Variants in PTPRD observed in about 807,000 individuals in gnomAD.
PTPRD encodes the protein receptor-type tyrosine-protein phosphatase delta.
In PTPRD, 34 loss-of-function variants were observed where a neutral mutation model predicts 214.5. The observed-to-expected ratio is 0.16, with a 90% CI of 0.12 to 0.21. The LOEUF (loss-of-function observed/expected upper bound fraction) is 0.21, where lower values mean the gene tolerates loss of function less well. PTPRD is among the 10% of genes least tolerant of loss of function. PTPRD has a pLI of 1.00. For missense variants in PTPRD, 2,545 were observed against 2,398.7 expected, an observed-to-expected ratio of 1.06 and a Z score of -1.27; for synonymous variants, 1,128 against 845.7, an observed-to-expected ratio of 1.33 and a Z score of -5.79.
chr9:9,870,794 G>A (rs2065215834), intron 5 of PTPRD, among the ~76,000 whole-genome samples: 1 of 152,058 alleles, frequency 6.6e-6, no homozygotes, highest in South Asian at 2.1e-4. Context: ...GGAAATTGCA[G>A]ATAAAGGGAA....
intron 11 of PTPRD, among the ~76,000 whole-genome samples, chr9:8,739,871 G>C (rs539848471): frequency 3.3e-5 from 5 of 152,122 alleles, no homozygotes; most frequent in Admixed American, 2.0e-4. Flanking sequence ...TTACGTAAGG[G>C]GGAGTTTCCG....
At position 9,970,006 on chromosome 9, in the gene PTPRD, G is replaced by C. The variant is rs192560706; in HGVS notation, c.-471-31396C>G. 2.0e-4 allele frequency among the ~76,000 whole-genome samples: 30 copies of C among 152,206 alleles called. No individual in the cohort carries two copies. The East Asian group carries it at 5.2e-3, about 26-fold the overall frequency. ...GCATCTGGAGAACTGTCATTCAGTA[G>C]ACATTAGAGAAAAATGGGTACATGG... On this transcript the variant is annotated intron_variant, in intron 4 of 45. Coordinates refer to ENST00000381196, the MANE Select transcript of PTPRD (RefSeq NM_002839.4).
intron 14 of PTPRD, among the ~76,000 whole-genome samples, chr9:8,570,249 T>A (rs1487504352): frequency 1.3e-5 from 2 of 152,262 alleles, no homozygotes; most frequent in East Asian, 3.9e-4. Context: ...ACACTCCTCA[T>A]AATTTATTGC....
chr9:9,157,495 G>A (rs534184619), intron 10 of PTPRD, among the ~76,000 whole-genome samples: 23 of 152,152 alleles, frequency 1.5e-4, no homozygotes, highest in Non-Finnish European at 3.2e-4. Context: ...ACAACTGTAT[G>A]TCAAAAAATT....
chr9:8,937,178 C>T (rs2099003528), intron 11 of PTPRD, among the ~76,000 whole-genome samples: 1 of 151,950 alleles, frequency 6.6e-6, no homozygotes, highest in African/African-American at 2.4e-5. Context: ...AGTCTCCAAA[C>T]AATTTGAGAC....
At chr9:8,835,428 T>C (rs971490560) in intron 11 of PTPRD, among the ~76,000 whole-genome samples, 2 of 152,224 alleles carry the variant, frequency 1.3e-5, no homozygotes, top group South Asian at 2.1e-4. Flanking sequence ...TCTTAGAGTC[T>C]CCCTTGACCA....
chr9:9,797,971 A>G (rs1180092683), intron 5 of PTPRD, among the ~76,000 whole-genome samples: 2 of 152,234 alleles, frequency 1.3e-5, no homozygotes, highest in Non-Finnish European at 2.9e-5. Context: ...ATGTCTGAAT[A>G]CACGAATGTT....
intron 11 of PTPRD, among the ~76,000 whole-genome samples, chr9:8,951,591 G>C (rs1359660237): frequency 6.6e-6 from 1 of 151,844 alleles, no homozygotes; most frequent in East Asian, 1.9e-4. Flanking sequence ...CATCTCCTAT[G>C]TCTAATGTTC....
chr9:10,479,320 C>A (rs1307460491), intron 2 of PTPRD, among the ~76,000 whole-genome samples: 3 of 151,984 alleles, frequency 2.0e-5, no homozygotes. Flanking sequence ...CTTCATATTT[C>A]AGGCTTTTAA....
chr9:10,496,284 G>A (rs973626997), intron 2 of PTPRD, among the ~76,000 whole-genome samples: 13 of 151,802 alleles, frequency 8.6e-5, no homozygotes, highest in African/African-American at 1.2e-4. Context: ...TTTAAGTACA[G>A]AAAGATAAAA....
chr9:8,764,781 A>G (rs1599070635), intron 11 of PTPRD, among the ~76,000 whole-genome samples: 1 of 148,000 alleles, frequency 6.8e-6, no homozygotes, highest in Non-Finnish European at 1.5e-5. Flanking sequence ...GGCAACAGAG[A>G]GTTTGTCTCA....
intron 5 of PTPRD, among the ~76,000 whole-genome samples, chr9:9,858,321 A>T (rs2061966670): frequency 6.6e-6 from 1 of 152,226 alleles, no homozygotes; most frequent in Admixed American, 6.5e-5. Flanking sequence ...TAATGGAAAC[A>T]TATCTGATTT....
chr9:8,788,479 T>C (rs149634126), intron 11 of PTPRD, among the ~76,000 whole-genome samples: 254 of 152,080 alleles, frequency 1.7e-3, no homozygotes, highest in African/African-American at 5.9e-3. Context: ...TTCTCCATGT[T>C]GGTCAGGCTG....
chr9:9,002,084 G>A (rs542672063), intron 11 of PTPRD, among the ~76,000 whole-genome samples: 7 of 151,674 alleles, frequency 4.6e-5, no homozygotes, highest in African/African-American at 1.5e-4. Flanking sequence ...TCTAATCATC[G>A]TAACAAAAGA....
chr9:9,683,347 A>G (rs1305573660), intron 7 of PTPRD, among the ~76,000 whole-genome samples: 1 of 151,796 alleles, frequency 6.6e-6, no homozygotes, highest in Non-Finnish European at 1.5e-5. Context: ...TACTGGCATC[A>G]CAGAACTTTG....
intron 9 of PTPRD, among the ~76,000 whole-genome samples, chr9:9,318,267 G>A (rs1964477861): frequency 6.8e-6 from 1 of 147,700 alleles, no homozygotes; most frequent in Non-Finnish European, 1.5e-5. Flanking sequence ...CTCAATACTT[G>A]TTAAAAACAA....
At chr9:9,132,111 C>T (rs928251927) in intron 10 of PTPRD, among the ~76,000 whole-genome samples, 2 of 152,048 alleles carry the variant, frequency 1.3e-5, no homozygotes, top group South Asian at 2.1e-4. Context: ...GGGTTCACGC[C>T]GTTCTCCTGC....
intron 8 of PTPRD, among the ~76,000 whole-genome samples, chr9:9,465,484 A>T (rs1051963583): frequency 3.0e-4 from 46 of 152,324 alleles, no homozygotes; most frequent in Admixed American, 8.5e-4. Flanking sequence ...TTTATCACTA[A>T]TACATAAATG....
chr9:9,782,946 A>C (rs886399159), intron 5 of PTPRD, among the ~76,000 whole-genome samples: 3 of 152,178 alleles, frequency 2.0e-5, no homozygotes, highest in African/African-American at 7.2e-5. Context: ...GTATTTTAAG[A>C]TATCTGGATA....
Sources: allele counts gnomAD v4.1 joint callset (sites outside exome capture counted in the v4.1 genomes callset), GRCh38; gene constraint gnomAD v4.1.1; transcripts MANE v1.5; gene names NCBI Gene and HGNC (gene_info 2026-07-23, HGNC 2026-07-21).